Variants in ZNF777 observed in about 807,000 individuals in gnomAD.
ZNF777 encodes the protein zinc finger protein 777.
In ZNF777, 7 loss-of-function variants were observed where a neutral mutation model predicts 72.1. That is an observed-to-expected ratio of 0.10 (90% CI 0.06 to 0.18). ZNF777 has a LOEUF of 0.18. ZNF777 is among the 10% of genes least tolerant of loss of function. The probability of loss-of-function intolerance (pLI) is 1.00; values close to 1 mark genes in which losing one functional copy is unlikely to be tolerated. For synonymous variants in ZNF777, 545 were observed against 483.5 expected (o/e 1.13, Z -1.67); for missense variants, 828 against 1,128.6 (o/e 0.73, Z 3.82).
rs1004940306 is a variant in ZNF777 at position 149,459,996 on chromosome 7, C to T, written c.-16+819G>A. The T allele has an allele frequency of 3.1e-6, 3 of 956,826 alleles. No homozygotes were observed. The African/African-American group carries it at 5.3e-5, about 17-fold the overall frequency. The allele number at this position is 956,826 out of a possible 1,614,324, so 59.3% of individuals were successfully genotyped here. A position where few individuals can be genotyped will look rare whatever the true frequency, so the allele number is the denominator to read the frequency against. ...GGCCCCCTCCAGGGCGCCCCCACCC[C>T]CCGCGCCAACGTCGTAGCGTTTCTG... On this transcript the variant is annotated intron_variant, in intron 1 of 5. Transcript: ENST00000247930.
intron 4 of ZNF777, among the ~76,000 whole-genome samples, chr7:149,438,093 C>A (rs955733153): frequency 6.6e-6 from 1 of 151,952 alleles, no homozygotes; most frequent in African/African-American, 2.4e-5. Flanking sequence ...GTTAGCCAGG[C>A]TGGTCTTGAT....
At chr7:149,440,949 T>G (rs149545201) in intron 4 of ZNF777, among the ~76,000 whole-genome samples, 34 of 152,240 alleles carry the variant, frequency 2.2e-4, no homozygotes, top group South Asian at 1.5e-3. Flanking sequence ...TCAAGCCTCT[T>G]CAGTGCTCTC....
At chr7:149,440,673 G>GTT (rs1554493243) in intron 4 of ZNF777, among the ~76,000 whole-genome samples, 33 of 39,222 alleles carry the variant, frequency 8.4e-4, no homozygotes, top group African/African-American at 1.9e-3. Flanking sequence ...TTGTTTTTTT[G>GTT]TTTTTTTTTT....
At chr7:149,446,216 A>G (rs1390083324) in intron 4 of ZNF777, among the ~76,000 whole-genome samples, 1 of 152,202 alleles carries the variant, frequency 6.6e-6, no homozygotes, top group Non-Finnish European at 1.5e-5. Context: ...CATCTCTACT[A>G]AAATACAAAA....
chr7:149,440,665 G>GTTGTT (rs1799496650), intron 4 of ZNF777, among the ~76,000 whole-genome samples: 1 of 88,396 alleles, frequency 1.1e-5, no homozygotes, highest in African/African-American at 5.3e-5. Context: ...GCAGCCTGTT[G>GTTGTT]TTTTTTTGTT....
At chr7:149,459,359 G>A (rs1343078962) in intron 1 of ZNF777, among the ~76,000 whole-genome samples, 1 of 152,154 alleles carries the variant, frequency 6.6e-6, no homozygotes, top group African/African-American at 2.4e-5. Context: ...CAACCCCTGA[G>A]AAGCTTACTC....
intron 4 of ZNF777, among the ~76,000 whole-genome samples, chr7:149,437,137 GTCTCAC>G (rs886934771): frequency 2.6e-5 from 4 of 152,048 alleles, no homozygotes; most frequent in Non-Finnish European, 5.9e-5. Flanking sequence ...ATAGAGAAAG[GTCTCAC>G]TCTGTCACCC....
intron 4 of ZNF777, among the ~76,000 whole-genome samples, chr7:149,450,264 C>A (rs766034288): frequency 8.5e-5 from 13 of 152,210 alleles, no homozygotes; most frequent in Non-Finnish European, 1.6e-4. Flanking sequence ...AGTGTGTGAG[C>A]CACTGACCCA....
chr7:149,445,688 C>T (rs1319617439), intron 4 of ZNF777, among the ~76,000 whole-genome samples: 2 of 152,204 alleles, frequency 1.3e-5, no homozygotes, highest in Non-Finnish European at 2.9e-5. Context: ...GTGCCCCACC[C>T]TCAACTGTGC....
At chr7:149,445,481 T>C (rs1010163496) in intron 4 of ZNF777, among the ~76,000 whole-genome samples, 16 of 152,174 alleles carry the variant, frequency 1.1e-4, no homozygotes, top group Admixed American at 7.9e-4. Flanking sequence ...GTTTGGCCCA[T>C]AGGGTGCTTT....
intron 5 of ZNF777, among the ~76,000 whole-genome samples, chr7:149,433,992 GAAT>G (rs1164075517): frequency 2.6e-5 from 4 of 151,910 alleles, no homozygotes; most frequent in African/African-American, 9.7e-5. Flanking sequence ...TGTGTTTGCA[GAAT>G]AATTAAAAAC....
intron 3 of ZNF777, among the ~76,000 whole-genome samples, chr7:149,452,106 A>C (rs534121372): frequency 1.2e-3 from 177 of 151,758 alleles, no homozygotes; most frequent in African/African-American, 4.2e-3. Context: ...TCTACTAAAA[A>C]TACAAAAAAT....
At chr7:149,440,045 A>T (rs1799480803) in intron 4 of ZNF777, among the ~76,000 whole-genome samples, 1 of 152,192 alleles carries the variant, frequency 6.6e-6, no homozygotes, top group Admixed American at 6.5e-5. Context: ...GGCTGGAAGA[A>T]GCTTTGTTAT....
At position 149,432,030 on chromosome 7, in the gene ZNF777, G is replaced by A; in HGVS notation, c.2242C>T (p.Arg748Trp). The A allele has an allele frequency of 1.2e-6, 2 of 1,607,668 alleles. No individual in the cohort carries two copies. Residue 748 changes from arginine (R) to tryptophan (W), a missense_variant, in exon 6 of 6, where the codon CGG becomes TGG. Physicochemically the swap from Arg to Trp is moderately radical, Grantham distance 101. This residue lies in a region of ZNF777 where 49 missense variants were observed against 135.8 expected (regional missense o/e 0.36). Coordinates refer to ENST00000247930, the MANE Select transcript of ZNF777 (RefSeq NM_015694.3). ...TNHCRVHSRE[R>W]PHACPECGKS... ...CCGCACTCGGGGCAGGCGTGCGGCC[G>A]CTCGCGCGAGTGCACGCGGCAGTGG...
At position 149,455,461 on chromosome 7, in the gene ZNF777, C is replaced by A; in HGVS notation, c.562G>T (p.Val188Leu). The A allele has an allele frequency of 1.2e-6, 2 of 1,614,196 alleles. No individual in the cohort carries two copies. Among genetic ancestry groups the A allele is most frequent in the Non-Finnish European group, 1.7e-6 (2 of 1,180,036 alleles). Residue 188 changes from valine (V) to leucine (L), a missense_variant, in exon 2 of 6, where the codon GTG becomes TTG. By Grantham distance (32) the Val-to-Leu change is conservative (BLOSUM62 1). Around this residue, in one of 12 missense-constraint regions of ZNF777, gnomAD observed 76 missense variants for 157.3 expected, o/e 0.48. Coordinates refer to ENST00000247930, the MANE Select transcript of ZNF777 (RefSeq NM_015694.3). This position sits in a 1 kb window ranked among gnomAD's most constrained non-coding sequence, Gnocchi z 4.2. Reference sequence around the variant, plus strand: ...TCCACTGCTTGGACGGCAGCCCACACAGCCAAGCGGGTGATCTCTGCCGTG... The same window carrying A: ...TCCACTGCTTGGACGGCAGCCCACAAAGCCAAGCGGGTGATCTCTGCCGTG... The part of the protein sequence containing the change: ...LPTAEITRLA[V>L]WAAVQAVERK...
In ZNF777 at chr7:149,460,615, G is replaced by T. The variant is rs1386220436; in HGVS notation, c.-16+200C>A. ...CATCCTGGGAGGCATGTCCCTCTCA[G>T]GCCGTTTAAAGAGAAACACTCCGAG... On this transcript the variant is annotated intron_variant, in intron 1 of 5. Transcript: ENST00000247930. The surrounding 1 kb of genome is among the most constrained non-coding windows in gnomAD (Gnocchi z 6.1). Among the ~76,000 whole-genome samples the T allele has an allele frequency of 2.6e-5, 4 of 152,104 alleles. No individual in the cohort carries two copies. The highest frequency in any genetic ancestry group is 9.7e-5 in the African/African-American group (4 of 41,446).
At chr7:149,451,153 G>A in intron 3 of ZNF777, 41 bp from the exon 4 acceptor site, 2 of 1,552,574 alleles carry the variant, frequency 1.3e-6, no homozygotes, top group Non-Finnish European at 1.8e-6. Flanking sequence ...CTGGGATGAG[G>A]TTGCACTGGA....
In ZNF777 at chr7:149,432,839, A is replaced by T; in HGVS notation, c.1433T>A (p.Leu478Gln). Residue 478 changes from leucine to glutamine, a missense_variant, in exon 6 of 6, where the codon CTG (leucine) becomes CAG (glutamine). Around this residue, in one of 12 missense-constraint regions of ZNF777, gnomAD observed 219 missense variants for 223.0 expected, o/e 0.98. Transcript: ENST00000247930. The stretch of plus-strand genomic sequence containing the variant: ...CATACTGGCCTCATATCTCCCGGAC[A>T]GCTGCCCAAGGGATTGCAAGTGCTG... ...LPQHLQSLGQ[L>Q]SGRYEASMYQ... 6.3e-7 allele frequency: 1 copy of T among 1,591,688 alleles called. No individual in the cohort carries two copies. Among genetic ancestry groups the T allele is most frequent in the Non-Finnish European group, 8.6e-7 (1 of 1,166,938 alleles).
In ZNF777 at chr7:149,431,528, A is replaced by AAAT. The variant is rs1799303400; in HGVS notation, c.*245_*247dup. 8.8e-6 allele frequency: 4 copies of AAAT among 456,028 alleles called. No homozygotes were observed. The highest frequency in any genetic ancestry group is 4.7e-5 in the South Asian group (3 of 63,474). 28.2% of individuals were successfully genotyped at this position (456,028 alleles called of 1,614,324 possible). A position where few individuals can be genotyped will look rare whatever the true frequency, so the allele number is the denominator to read the frequency against. On this transcript the variant is annotated 3_prime_UTR_variant, in exon 6 of 6. Coordinates refer to ENST00000247930, the MANE Select transcript of ZNF777 (RefSeq NM_015694.3). Reference sequence around the variant, plus strand: ...GGTTTCATCCATTTTATTGTCAAGGAAATTAACAGCCCGAAAGGGTTCCCC... The same window carrying AAAT: ...GGTTTCATCCATTTTATTGTCAAGGAAATAATTAACAGCCCGAAAGGGTTCCCC...
Sources: gnomAD v4.1 joint callset for allele counts (sites outside exome capture counted in the v4.1 genomes callset) on GRCh38, gnomAD v4.1.1 for gene constraint, gnomAD v4.1.1 regional missense constraint, Gnocchi (gnomAD v3.1) non-coding constraint, MANE v1.5 for transcripts, NCBI Gene and HGNC (gene_info 2026-07-23, HGNC 2026-07-21) for gene names.